MPHOSPH8: variants seen among roughly 807,000 people sequenced by gnomAD.
MPHOSPH8 encodes the protein M-phase phosphoprotein 8.
In MPHOSPH8, 45 loss-of-function variants were observed where a neutral mutation model predicts 87.3. That is an observed-to-expected ratio of 0.52 (90% CI 0.41 to 0.66). The LOEUF is 0.66. Ranked by LOEUF, MPHOSPH8 falls within the 30% of genes least tolerant of loss-of-function variation. MPHOSPH8 has a pLI of 0.00. For missense variants in MPHOSPH8, 883 were observed against 1,020.2 expected (o/e 0.87, Z 1.83); for synonymous variants, 366 against 376.9 (o/e 0.97, Z 0.33).
At position 19,647,090 on chromosome 13, in the gene MPHOSPH8, G is replaced by A. The variant is rs186452063; in HGVS notation, c.1017G>A (p.Glu339=). The change falls in exon 3 of 14, where the codon GAG becomes GAA. Residue 339 remains glutamate (E), a synonymous_variant. Coordinates refer to ENST00000361479, the MANE Select transcript of MPHOSPH8 (RefSeq NM_017520.4). Reference sequence around the variant, plus strand: ...AAAAGAAGACCCCGAGAAAGGCTGAGGACACTAGAGAGAACAGGAAGCTAG... The same window carrying A: ...AAAAGAAGACCCCGAGAAAGGCTGAAGACACTAGAGAGAACAGGAAGCTAG... ...RRKKKTPRKA[E]DTRENRKLEN... is the part of the protein sequence containing the mutation. 8 of 1,611,330 alleles carry A rather than the reference G, an allele frequency of 5.0e-6. No individual in the cohort carries two copies. The African/African-American group carries it at 1.1e-4, about 22-fold the overall frequency.
intron 11 of MPHOSPH8, among the ~76,000 whole-genome samples, chr13:19,669,251 G>A (rs1483412335): frequency 6.6e-6 from 1 of 152,092 alleles, no homozygotes; most frequent in South Asian, 2.1e-4. Flanking sequence ...GCATGATCTT[G>A]GCTCACTGCA....
In MPHOSPH8 at chr13:19,660,320, GGTTTGT is replaced by G. The variant is rs1281399894; in HGVS notation, c.1791+1037_1791+1042del. Among the ~76,000 whole-genome samples, 173 of 151,898 alleles carry G rather than the reference GGTTTGT, an allele frequency of 1.1e-3. 1 individual carries two copies. The highest frequency in any genetic ancestry group is 1.1e-3 in the Non-Finnish European group (72 of 67,948). Reference sequence around the variant, plus strand: ...ATTGACCCTTTCTCCCTAGATTTTAGGTTTGTGTTTGAGTCTTGTATTGCTTGAAGA... The same window carrying G: ...ATTGACCCTTTCTCCCTAGATTTTAGGTTTGAGTCTTGTATTGCTTGAAGA... On this transcript the variant is annotated intron_variant, in intron 7 of 13. Coordinates refer to ENST00000361479, the MANE Select transcript of MPHOSPH8 (RefSeq NM_017520.4).
chr13:19,655,031 T>C (rs1875075700), intron 5 of MPHOSPH8, among the ~76,000 whole-genome samples: 1 of 152,144 alleles, frequency 6.6e-6, no homozygotes, highest in Admixed American at 6.5e-5. Context: ...GCAAATTTAA[T>C]CTGGCCCTGT....
rs200917597 is a variant in MPHOSPH8, at chr13:19,669,572, G to A, written c.2330-664G>A. 1.1e-4 allele frequency among the ~76,000 whole-genome samples: 17 copies of A among 149,538 alleles called. No individual in the cohort carries two copies. The East Asian group carries it at 3.0e-3, about 26-fold the overall frequency. ...TCCCCAGGCTGGAGTGCAGTGGTGCGATCTCGGCTCACTGCAACCTCCGCC... is the reference window on the plus strand; with the variant it reads ...TCCCCAGGCTGGAGTGCAGTGGTGCAATCTCGGCTCACTGCAACCTCCGCC... On this transcript the variant is annotated intron_variant, in intron 11 of 13. Transcript: ENST00000361479.
At chr13:19,640,860 C>T (rs1874249845) in intron 1 of MPHOSPH8, among the ~76,000 whole-genome samples, 2 of 152,112 alleles carry the variant, frequency 1.3e-5, no homozygotes, top group Admixed American at 1.3e-4. Context: ...TCTTAAGTCA[C>T]TAAAGAGCGT....
At chr13:19,636,274 A>G (rs138946422) in intron 1 of MPHOSPH8, among the ~76,000 whole-genome samples, 1 of 152,284 alleles carries the variant, frequency 6.6e-6, no homozygotes, top group East Asian at 1.9e-4. Context: ...AGGCCTCCTT[A>G]TAGTCTAGTC....
chr13:19,648,462 A>G lies in MPHOSPH8; in HGVS notation c.1259A>G (p.Gln420Arg), dbSNP rs1473713219. Residue 420 changes from glutamine (Q) to arginine (R), a missense_variant, in exon 4 of 14, where the codon CAG (glutamine) becomes CGG (arginine). Around this residue, in one of 3 missense-constraint regions of MPHOSPH8, gnomAD observed 741 missense variants for 841.5 expected, o/e 0.88. Coordinates refer to ENST00000361479, the MANE Select transcript of MPHOSPH8 (RefSeq NM_017520.4). ...AGAAATGAATCCAAAGAAAAATATC[A>G]GAAAAGGCATGATTCTGACAAGGAA... ...TKRNESKEKY[Q>R]KRHDSDKEEK... 6.3e-7 allele frequency: 1 copy of G among 1,589,622 alleles called. No homozygotes were observed.
chr13:19,659,064 A>G lies in MPHOSPH8; in HGVS notation c.1646A>G (p.Gln549Arg). 12 of 1,614,204 alleles carry G rather than the reference A, an allele frequency of 7.4e-6. No homozygotes were observed. The highest frequency in any genetic ancestry group is 9.3e-6 in the Non-Finnish European group (11 of 1,180,030). ...GAATGGATGAAGTTGGAAGATTTCC[A>G]AAAGCACCTTGATGGGAAAGATGAG... ...QLEWMKLEDF[Q>R]KHLDGKDENF... The change falls in exon 6 of 14, where the codon CAA becomes CGA. Residue 549 changes from glutamine (Q) to arginine (R), a missense_variant. By Grantham distance (43) the Gln-to-Arg change is conservative. This residue lies in a region of MPHOSPH8 where 741 missense variants were observed against 841.5 expected (regional missense o/e 0.88). Coordinates refer to ENST00000361479, the MANE Select transcript of MPHOSPH8 (RefSeq NM_017520.4).
At chr13:19,664,377 G>A (rs1046414276) in intron 9 of MPHOSPH8, among the ~76,000 whole-genome samples, 9 of 152,154 alleles carry the variant, frequency 5.9e-5, no homozygotes, top group South Asian at 2.1e-4. Flanking sequence ...CTGCAGCCAC[G>A]CAGGTGCATT....
Position 19,661,836 on chromosome 13 carries a change from A to T in MPHOSPH8, c.1930A>T (p.Lys644Ter). 1 of 1,606,540 alleles carries T rather than the reference A, an allele frequency of 6.2e-7. No individual in the cohort carries two copies. Among genetic ancestry groups the T allele is most frequent in the African/African-American group, 1.3e-5 (1 of 74,712 alleles). The change falls in exon 8 of 14, where the codon AAG becomes TAG. Residue 644 changes from lysine (K) to a stop codon, truncating the protein, a stop_gained and splice_region_variant. Transcript: ENST00000361479. LOFTEE classifies it high-confidence loss of function. ...GTTALIHAAEKNFLTTVAILL... is the reference protein window; with the variant it reads ...GTTALIHAAE The stretch of plus-strand genomic sequence containing the variant: ...CACCGCCCTCATTCATGCTGCAGAG[A>T]AGGTTTGTGGCTTCTTATGCATCAG...
intron 11 of MPHOSPH8, among the ~76,000 whole-genome samples, chr13:19,669,636 G>A (rs916103114): frequency 2.0e-5 from 3 of 151,728 alleles, no homozygotes; most frequent in African/African-American, 7.3e-5. Flanking sequence ...AACCTCCCGA[G>A]TAGCTGGAAT....
rs1188512547 is a variant in MPHOSPH8 at position 19,673,086 on chromosome 13, C to CGTAT, written c.*1212_*1213insTATG. ...AAAAAAAAGTTTCTTGGAACCTATA[C>CGTAT]GGTTTTTTTTTGTTTTTTTTTTTTG... On this transcript the variant is annotated 3_prime_UTR_variant, in exon 14 of 14. Coordinates refer to ENST00000361479, the MANE Select transcript of MPHOSPH8 (RefSeq NM_017520.4). 2 of 432,126 alleles carry CGTAT rather than the reference C, an allele frequency of 4.6e-6. No individual in the cohort carries two copies. The highest frequency in any genetic ancestry group is 4.4e-5 in the African/African-American group (2 of 45,722). The allele number at this position is 432,126 out of a possible 1,614,324, so 26.8% of individuals were successfully genotyped here. A position where few individuals can be genotyped will look rare whatever the true frequency, so the allele number is the denominator to read the frequency against.
chr13:19,639,247 C>T (rs891856472), intron 1 of MPHOSPH8, among the ~76,000 whole-genome samples: 2 of 151,202 alleles, frequency 1.3e-5, no homozygotes, highest in South Asian at 2.1e-4. Context: ...TAGTTGCTTG[C>T]GACTCCTCCT....
At position 19,673,030 on chromosome 13, in the gene MPHOSPH8, GA is replaced by G. The variant is rs1413462518; in HGVS notation, c.*1156del. 2.2e-6 allele frequency: 1 copy of G among 444,544 alleles called. No individual in the cohort carries two copies. The highest frequency in any genetic ancestry group is 7.0e-5 in the East Asian group (1 of 14,314). The allele number at this position is 444,544 out of a possible 1,614,324, so 27.5% of individuals were successfully genotyped here. A position where few individuals can be genotyped will look rare whatever the true frequency, so the allele number is the denominator to read the frequency against. On this transcript the variant is annotated 3_prime_UTR_variant, in exon 14 of 14. Coordinates refer to ENST00000361479, the MANE Select transcript of MPHOSPH8 (RefSeq NM_017520.4). ...GTGAAAGGCCACTGCACTCCAGCCT[GA>G]GTGACAGAATGAGACCTTGTCTCAA... is the stretch of plus-strand genomic sequence containing the variant.
At chr13:19,651,462 G>C (rs1874846515) in intron 5 of MPHOSPH8, among the ~76,000 whole-genome samples, 1 of 151,880 alleles carries the variant, frequency 6.6e-6, no homozygotes, top group East Asian at 1.9e-4. Context: ...GGGAGGCGGA[G>C]GTTGCAGTGA....
chr13:19,642,398 G>C, intron 2 of MPHOSPH8, 128 bp downstream of exon 2: 1 of 801,398 alleles, frequency 1.2e-6, no homozygotes, highest in African/African-American at 1.8e-5. Context: ...TAAATTCCAT[G>C]TAGCCAATTC....
intron 9 of MPHOSPH8, 105 bp downstream of exon 9, chr13:19,663,231 G>A: frequency 9.8e-7 from 1 of 1,021,710 alleles, no homozygotes; most frequent in Non-Finnish European, 1.5e-6. Context: ...AACAGAGTGG[G>A]TACCAAGACA....
At position 19,647,285 on chromosome 13, in the gene MPHOSPH8, C is replaced by T. The variant is rs573047656; in HGVS notation, c.1212C>T (p.Ala404=). The stretch of plus-strand genomic sequence containing the variant: ...GAGGCCTCTGGTCCACGGACTCAGC[C>T]GAGGAGGTAAGGGCCACGGGAGGCA... ...EERGLWSTDS[A]EEDKETKRNE... The change falls in exon 3 of 14, where the codon GCC becomes GCT. Residue 404 remains alanine (A), a synonymous_variant. Transcript: ENST00000361479. 18 of 1,593,920 alleles carry T rather than the reference C, an allele frequency of 1.1e-5. No individual in the cohort carries two copies. Among genetic ancestry groups the T allele is most frequent in the Admixed American group, 7.4e-5 (4 of 53,952 alleles).
intron 1 of MPHOSPH8, among the ~76,000 whole-genome samples, chr13:19,634,355 A>C (rs1332901692): frequency 6.6e-6 from 1 of 152,274 alleles, no homozygotes; most frequent in Middle Eastern, 3.4e-3. Flanking sequence ...ACCGTAACCA[A>C]CTCCCTGGTT....
Sources: gnomAD v4.1 joint callset for allele counts (sites outside exome capture counted in the v4.1 genomes callset) on GRCh38, gnomAD v4.1.1 for gene constraint, gnomAD v4.1.1 regional missense constraint, MANE v1.5 for transcripts, NCBI Gene and HGNC (gene_info 2026-07-23, HGNC 2026-07-21) for gene names.